WDFY4: variants seen among roughly 807,000 people sequenced by gnomAD.
The protein encoded by WDFY4 is WDFY family member 4.
A neutral mutation model predicts 351.9 loss-of-function variants in WDFY4; 169 were observed. The observed-to-expected ratio is 0.48, with a 90% CI of 0.42 to 0.55. The LOEUF is 0.55. Among genes scored for constraint, WDFY4 ranks in the 20% least tolerant of loss-of-function variants. The pLI, the probability that WDFY4 is intolerant of heterozygous loss-of-function variation, is 0.00. For missense variants in WDFY4, 3,803 were observed against 3,935.6 expected (o/e 0.97, Z 0.90); for synonymous variants, 1,622 against 1,574.6 (o/e 1.03, Z -0.71).
chr10:48,766,003 A>G (rs2065657349), intron 13 of WDFY4, among the ~76,000 whole-genome samples: 1 of 152,212 alleles, frequency 6.6e-6, no homozygotes, highest in African/African-American at 2.4e-5. Context: ...TCAAACACTG[A>G]ACTAATTGTA....
chr10:48,753,177 G>A (rs115591052), intron 12 of WDFY4, among the ~76,000 whole-genome samples: 1,829 of 152,190 alleles, frequency 0.012, 34 homozygotes, highest in African/African-American at 0.041. Flanking sequence ...TGGGGGAAAC[G>A]TCTATTCAAG....
At chr10:48,722,222 C>T (rs2064113955) in intron 4 of WDFY4, among the ~76,000 whole-genome samples, 1 of 152,212 alleles carries the variant, frequency 6.6e-6, no homozygotes, top group Admixed American at 6.5e-5. Flanking sequence ...CCTCCTGACA[C>T]TTCTTCAGGT....
At chr10:48,910,417 C>T (rs943355622) in intron 47 of WDFY4, among the ~76,000 whole-genome samples, 2 of 152,190 alleles carry the variant, frequency 1.3e-5, no homozygotes, top group Non-Finnish European at 2.9e-5. Context: ...GGAAAGAGAA[C>T]ACCCAAGGCT....
chr10:48,839,863 T>C (rs141245381), intron 39 of WDFY4, among the ~76,000 whole-genome samples: 1,624 of 152,384 alleles, frequency 0.011, 28 homozygotes, highest in African/African-American at 0.037. Flanking sequence ...TCTACTGGCG[T>C]GAGCCATGTT....
chr10:48,696,471 G>A (rs2063333781), intron 1 of WDFY4, among the ~76,000 whole-genome samples: 1 of 152,220 alleles, frequency 6.6e-6, no homozygotes, highest in Non-Finnish European at 1.5e-5. Flanking sequence ...CCTCGCCAGG[G>A]CCAAATCCTC....
chr10:48,878,840 A>T (rs1233213502), intron 43 of WDFY4, among the ~76,000 whole-genome samples: 1 of 152,264 alleles, frequency 6.6e-6, no homozygotes, highest in South Asian at 2.1e-4. Context: ...TACAGGAGGA[A>T]ACCCTGTTGT....
chr10:48,817,638 C>T (rs1473354544), intron 32 of WDFY4, among the ~76,000 whole-genome samples: 1 of 152,238 alleles, frequency 6.6e-6, no homozygotes, highest in East Asian at 1.9e-4. Context: ...TGTTAAGAAT[C>T]TCAGTAATGA....
chr10:48,744,831 T>C (rs1454959649), intron 12 of WDFY4, among the ~76,000 whole-genome samples: 1 of 152,214 alleles, frequency 6.6e-6, no homozygotes, highest in Non-Finnish European at 1.5e-5. Context: ...TTTCCATTTG[T>C]GGGCATCCGA....
At chr10:48,889,999 C>G (rs1454227313) in intron 43 of WDFY4, among the ~76,000 whole-genome samples, 2 of 152,208 alleles carry the variant, frequency 1.3e-5, no homozygotes, top group Non-Finnish European at 2.9e-5. Context: ...GGAGAACTGC[C>G]AGCATTTCCA....
chr10:48,958,320 G>C (rs1447611903), intron 52 of WDFY4, among the ~76,000 whole-genome samples: 1 of 152,184 alleles, frequency 6.6e-6, no homozygotes, highest in African/African-American at 2.4e-5. Flanking sequence ...GGTGAGAAGT[G>C]AACAAATTCA....
chr10:48,904,095 C>T (rs1837496634), intron 47 of WDFY4, among the ~76,000 whole-genome samples: 1 of 152,216 alleles, frequency 6.6e-6, no homozygotes. Context: ...AGCTTTGTAA[C>T]ATGAGAGTCA....
At chr10:48,931,489 T>C (rs2940726) in intron 47 of WDFY4, among the ~76,000 whole-genome samples, 146,468 of 152,174 alleles carry the variant, frequency 0.96, 70,737 homozygotes, top group East Asian at 1. Flanking sequence ...CGTGGCCTGT[T>C]GTGAGAGGGT....
At chr10:48,953,718 T>C (rs1841452496) in intron 51 of WDFY4, among the ~76,000 whole-genome samples, 4 of 152,232 alleles carry the variant, frequency 2.6e-5, no homozygotes, top group Admixed American at 2.6e-4. Flanking sequence ...GGATCAGTGT[T>C]ATCAGGAAGG....
chr10:48,740,043 G>T (rs2064803062), intron 11 of WDFY4, among the ~76,000 whole-genome samples: 1 of 152,132 alleles, frequency 6.6e-6, no homozygotes, highest in Non-Finnish European at 1.5e-5. Flanking sequence ...CTCCCTTCCT[G>T]ATGTTTGTTT....
intron 13 of WDFY4, 30 bp from the exon 14 acceptor site, chr10:48,774,428 G>A: frequency 3.9e-6 from 6 of 1,550,646 alleles, no homozygotes; most frequent in Non-Finnish European, 5.2e-6. Context: ...CTGCCCTGGA[G>A]GGCTCACAGC....
chr10:48,962,214 G>A (rs115050847), intron 53 of WDFY4, among the ~76,000 whole-genome samples: 1,591 of 152,292 alleles, frequency 0.01, 26 homozygotes, highest in African/African-American at 0.036. Context: ...TATACCCCAA[G>A]CCAGGTGGTA....
In WDFY4 at chr10:48,774,970, T is replaced by A. The variant is rs143924778; in HGVS notation, c.2768+298T>A. Among the ~76,000 whole-genome samples the A allele has an allele frequency of 6.6e-3, 852 of 129,918 alleles. 4 individuals carry two copies. Among genetic ancestry groups the A allele is most frequent in the Non-Finnish European group, 0.011 (691 of 61,946 alleles). 85.2% of individuals were successfully genotyped at this position (129,918 alleles called of 152,430 possible). A position where few individuals can be genotyped will look rare whatever the true frequency, so the allele number is the denominator to read the frequency against. ...TCACTAGACAAAGAGAGGAGGGAAC[T>A]GGGCCTGGAAGGCTCTGCCGGGAGG... On this transcript the variant is annotated intron_variant, in intron 14 of 61. Coordinates refer to ENST00000325239, the MANE Select transcript of WDFY4 (RefSeq NM_001394531.1).
At chr10:48,759,743 C>T (rs952562838) in intron 12 of WDFY4, among the ~76,000 whole-genome samples, 5 of 152,140 alleles carry the variant, frequency 3.3e-5, no homozygotes, top group Non-Finnish European at 7.3e-5. Context: ...TGCACAGTTG[C>T]GAGTTTTAGG....
intron 39 of WDFY4, among the ~76,000 whole-genome samples, chr10:48,852,569 T>A (rs925896183): frequency 5.9e-5 from 9 of 152,154 alleles, no homozygotes; most frequent in African/African-American, 1.9e-4. Context: ...CATTCACCAC[T>A]CTGTTCAAGA....
Sources: gnomAD v4.1 joint callset for allele counts (sites outside exome capture counted in the v4.1 genomes callset) on GRCh38, gnomAD v4.1.1 for gene constraint, MANE v1.5 for transcripts, NCBI Gene and HGNC (gene_info 2026-07-23, HGNC 2026-07-21) for gene names.